B4GALT6: variants seen among roughly 807,000 people sequenced by gnomAD.
The protein encoded by B4GALT6 is beta-1,4-galactosyltransferase 6.
Under a neutral mutation model 46.3 loss-of-function variants are expected in B4GALT6, and 14 were observed. The ratio of observed to expected loss-of-function variants is 0.30; its 90% CI spans 0.20 to 0.47. The LOEUF (loss-of-function observed/expected upper bound fraction) is 0.47. Ranked by LOEUF, B4GALT6 falls within the 20% of genes least tolerant of loss-of-function variation. The pLI is 0.99. For synonymous variants in B4GALT6, 168 were observed against 162.0 expected (o/e 1.04, Z -0.28); for missense variants, 386 against 480.1 (o/e 0.80, Z 1.83).
At chr18:31,638,400 G>A (rs2073888360) in intron 5 of B4GALT6, among the ~76,000 whole-genome samples, 4 of 152,200 alleles carry the variant, frequency 2.6e-5, no homozygotes, top group East Asian at 1.9e-4. Context: ...GGTGGCGGGT[G>A]CCTGTAGTCC....
At chr18:31,657,278 G>A (rs1211909915) in intron 3 of B4GALT6, among the ~76,000 whole-genome samples, 1 of 151,822 alleles carries the variant, frequency 6.6e-6, no homozygotes, top group East Asian at 1.9e-4. Flanking sequence ...TTCATCAGTG[G>A]GGAAACAGGT....
At chr18:31,673,283 A>T (rs1414334808) in intron 1 of B4GALT6, among the ~76,000 whole-genome samples, 2 of 152,058 alleles carry the variant, frequency 1.3e-5, no homozygotes, top group African/African-American at 4.8e-5. Flanking sequence ...AAAAAAACAA[A>T]GGAGAGTGAA....
chr18:31,724,364 C>T, the B4GALT6 span: 8 of 1,040,004 alleles, frequency 7.7e-6, no homozygotes, highest in Non-Finnish European at 9.8e-6. Flanking sequence ...GTCCAGGACC[C>T]GCTCCAGCTG....
chr18:31,688,274 C>CGTATATATATAT (rs2029999770), upstream of B4GALT6, among the ~76,000 whole-genome samples: 1 of 89,000 alleles, frequency 1.1e-5, no homozygotes, highest in African/African-American at 8.5e-5. Context: ...TATATATATA[C>CGTATATATATAT]ACACACACAT....
At chr18:31,653,326 T>C (rs915636888) in intron 3 of B4GALT6, among the ~76,000 whole-genome samples, 8 of 152,016 alleles carry the variant, frequency 5.3e-5, no homozygotes, top group African/African-American at 7.2e-5. Flanking sequence ...TGCTGTTCTC[T>C]CTCAGCTATC....
Position 31,684,358 on chromosome 18 carries a change from G to C in B4GALT6, c.69C>G (p.Ser23=). Residue 23 remains serine, a synonymous_variant, in exon 1 of 9, where the codon TCC becomes TCG. Coordinates refer to ENST00000306851, the MANE Select transcript of B4GALT6 (RefSeq NM_004775.5). The part of the protein sequence containing the change: ...RSLLAFIFFF[S]LSSSCLYFIY... ...TGAAGTACAGACAGGACGAAGAGAG[G>C]GAGAAGAAGAAGATGAAGGCGAGGA... 2 of 1,613,836 alleles carry C rather than the reference G, an allele frequency of 1.2e-6. No homozygotes were observed. Among genetic ancestry groups the C allele is most frequent in the Non-Finnish European group, 1.7e-6 (2 of 1,179,904 alleles).
chr18:31,624,194 A>G lies in B4GALT6; in HGVS notation c.*1420T>C, dbSNP rs747928330. The G allele has an allele frequency of 2.6e-5, 4 of 152,040 alleles. No homozygotes were observed. The highest frequency in any genetic ancestry group is 4.4e-5 in the Non-Finnish European group (3 of 67,890). 9.4% of individuals were successfully genotyped at this position (152,040 alleles called of 1,614,324 possible). A position where few individuals can be genotyped will look rare whatever the true frequency, so the allele number is the denominator to read the frequency against. ...AGCCCTGACACTCATGCAAACATGT[A>G]AGATATTACATATAGAAGACATTAT... On this transcript the variant is annotated 3_prime_UTR_variant, in exon 9 of 9. Transcript: ENST00000306851.
At chr18:31,656,502 T>G (rs2074141471) in intron 3 of B4GALT6, among the ~76,000 whole-genome samples, 1 of 151,848 alleles carries the variant, frequency 6.6e-6, no homozygotes, top group African/African-American at 2.4e-5. Flanking sequence ...ATAATGATAA[T>G]GTATTATCTT....
rs1367351124 is a variant in B4GALT6 at position 31,658,097 on chromosome 18, A to C, written c.233-8T>G. On this transcript the variant is annotated splice_region_variant and splice_polypyrimidine_tract_variant and intron_variant, in intron 2 of 8. Coordinates refer to ENST00000306851, the MANE Select transcript of B4GALT6 (RefSeq NM_004775.5). ...TATTGCCTTCGGGATAATCTTGGAA[A>C]GAGAGAAAAGAGTTACAAAAAAAAA... The C allele has an allele frequency of 1.3e-6, 2 of 1,573,934 alleles. No homozygotes were observed. Among genetic ancestry groups the C allele is most frequent in the African/African-American group, 2.8e-5 (2 of 70,610 alleles).
chr18:31,676,772 T>C (rs1356348262), intron 1 of B4GALT6, among the ~76,000 whole-genome samples: 1 of 152,212 alleles, frequency 6.6e-6, no homozygotes, highest in East Asian at 1.9e-4. Context: ...TTCAGAAACA[T>C]CGCTCCCAGT....
chr18:31,643,585 C>T (rs1382281246), intron 4 of B4GALT6, among the ~76,000 whole-genome samples: 5 of 152,148 alleles, frequency 3.3e-5, no homozygotes, highest in Non-Finnish European at 7.4e-5. Context: ...AGGTATGAAC[C>T]TTAGATCCCT....
Position 31,624,874 on chromosome 18 carries a change from T to C in B4GALT6, c.*740A>G, listed in dbSNP as rs1325193099. The C allele has an allele frequency of 1.3e-5, 2 of 152,636 alleles. No homozygotes were observed. The highest frequency in any genetic ancestry group is 2.1e-4 in the South Asian group (1 of 4,832). The allele number at this position is 152,636 out of a possible 1,614,324, so 9.5% of individuals were successfully genotyped here. A position where few individuals can be genotyped will look rare whatever the true frequency, so the allele number is the denominator to read the frequency against. Reference sequence around the variant, plus strand: ...TTAAGATTTTTCTTGGTAATACTCATGCAATATGCATAAACAATATGGTTG... The same window carrying C: ...TTAAGATTTTTCTTGGTAATACTCACGCAATATGCATAAACAATATGGTTG... On this transcript the variant is annotated 3_prime_UTR_variant, in exon 9 of 9. Coordinates refer to ENST00000306851, the MANE Select transcript of B4GALT6 (RefSeq NM_004775.5).
chr18:31,646,029 G>T (rs1445053885), intron 3 of B4GALT6, among the ~76,000 whole-genome samples: 1 of 152,174 alleles, frequency 6.6e-6, no homozygotes, highest in African/African-American at 2.4e-5. Flanking sequence ...TCCATTCCAA[G>T]AAATCATCTG....
At chr18:31,659,217 A>G (rs1242686844) in intron 2 of B4GALT6, among the ~76,000 whole-genome samples, 2 of 152,240 alleles carry the variant, frequency 1.3e-5, no homozygotes, top group East Asian at 1.9e-4. Flanking sequence ...ATCTGCTCCA[A>G]TGAGAGACAA....
At chr18:31,647,151 A>G (rs1312698075) in intron 3 of B4GALT6, among the ~76,000 whole-genome samples, 1 of 152,258 alleles carries the variant, frequency 6.6e-6, no homozygotes, top group Non-Finnish European at 1.5e-5. Context: ...TACATTTAAT[A>G]GTATGCATGA....
the B4GALT6 span, among the ~76,000 whole-genome samples, chr18:31,712,831 G>A: frequency 4.6e-5 from 7 of 152,188 alleles, no homozygotes; most frequent in East Asian, 1.9e-4. Context: ...GCTAAGCAGC[G>A]AACATCATCT....
intron 5 of B4GALT6, 40 bp from the exon 6 acceptor site, chr18:31,631,186 T>C: frequency 1.9e-5 from 21 of 1,109,532 alleles, no homozygotes; most frequent in South Asian, 5.6e-5. Context: ...AGAAATGTAC[T>C]CACACTTCAT....
At chr18:31,684,702 C>CGG (rs2074524444), upstream of B4GALT6, 40 of 1,137,138 alleles carry the variant, frequency 3.5e-5, no homozygotes, top group Non-Finnish European at 4.4e-5. Flanking sequence ...GGCCCGGGGA[C>CGG]GGCAGGACGG....
intron 1 of B4GALT6, among the ~76,000 whole-genome samples, chr18:31,675,292 G>GA (rs1487206528): frequency 6.6e-6 from 1 of 152,144 alleles, no homozygotes; most frequent in African/African-American, 2.4e-5. Context: ...GTTCAGGGTG[G>GA]AAACATGTTT....
Sources: gnomAD v4.1 joint callset for allele counts (sites outside exome capture counted in the v4.1 genomes callset) on GRCh38, gnomAD v4.1.1 for gene constraint, MANE v1.5 for transcripts, NCBI Gene and HGNC (gene_info 2026-07-23, HGNC 2026-07-21) for gene names.